Variants in SCFD2 observed in about 807,000 individuals in gnomAD.
SCFD2 encodes sec1 family domain containing 2.
SCFD2 carries 54 observed loss-of-function variants against 58.9 expected under a neutral mutation model. That is an observed-to-expected ratio of 0.92 (90% CI 0.74 to 1.15). The LOEUF is 1.15. SCFD2 is among the 50% of genes most tolerant of loss of function. The pLI is 0.00. For missense variants in SCFD2, 805 were observed against 836.6 expected (o/e 0.96, Z 0.47); for synonymous variants, 321 against 335.9 (o/e 0.96, Z 0.49).
At chr4:53,170,637 T>C (rs1034879219) in intron 4 of SCFD2, among the ~76,000 whole-genome samples, 1 of 152,218 alleles carries the variant, frequency 6.6e-6, no homozygotes, top group African/African-American at 2.4e-5. Flanking sequence ...ATGAACATTT[T>C]AACAATATTA....
intron 4 of SCFD2, among the ~76,000 whole-genome samples, chr4:53,221,136 C>G (rs1486385748): frequency 6.6e-6 from 1 of 152,180 alleles, no homozygotes; most frequent in African/African-American, 2.4e-5. Flanking sequence ...TACATTATCA[C>G]TAATGCCCAG....
At chr4:53,187,796 G>A (rs1263494514) in intron 4 of SCFD2, among the ~76,000 whole-genome samples, 2 of 151,908 alleles carry the variant, frequency 1.3e-5, no homozygotes, top group Non-Finnish European at 2.9e-5. Context: ...ATTATCTCCA[G>A]GTAATAAAAT....
chr4:52,949,487 T>A (rs928737743), intron 5 of SCFD2: 1 of 152,052 alleles, frequency 6.6e-6, no homozygotes, highest in Admixed American at 6.6e-5. Flanking sequence ...ATGTCTGAGG[T>A]CCATTATTTT....
intron 4 of SCFD2, among the ~76,000 whole-genome samples, chr4:53,209,144 G>T (rs536410904): frequency 6.2e-4 from 95 of 152,214 alleles, no homozygotes; most frequent in Middle Eastern, 6.8e-3. Flanking sequence ...TGATAGTAAG[G>T]GATATACGGT....
intron 4 of SCFD2, among the ~76,000 whole-genome samples, chr4:53,147,361 AT>A (rs1434729875): frequency 6.6e-6 from 1 of 152,228 alleles, no homozygotes; most frequent in Non-Finnish European, 1.5e-5. Context: ...CAGTCAAGCC[AT>A]TTCCACACCT....
intron 5 of SCFD2, among the ~76,000 whole-genome samples, chr4:53,010,848 A>G (rs1722078068): frequency 6.6e-6 from 1 of 152,180 alleles, no homozygotes; most frequent in Non-Finnish European, 1.5e-5. Flanking sequence ...GATCCCAAAT[A>G]CATAGCAGCA....
At chr4:53,243,470 C>G (rs1207274208) in intron 4 of SCFD2, among the ~76,000 whole-genome samples, 1 of 151,954 alleles carries the variant, frequency 6.6e-6, no homozygotes, top group Non-Finnish European at 1.5e-5. Context: ...ACAAGAATAT[C>G]TGAAAAAAAC....
chr4:53,160,668 T>G (rs935814883), intron 4 of SCFD2, among the ~76,000 whole-genome samples: 1 of 152,092 alleles, frequency 6.6e-6, no homozygotes, highest in Non-Finnish European at 1.5e-5. Flanking sequence ...TGAAGGATTC[T>G]GGAGTGAGGA....
chr4:53,331,267 C>T (rs1391228552), intron 2 of SCFD2, among the ~76,000 whole-genome samples: 1 of 151,302 alleles, frequency 6.6e-6, no homozygotes, highest in African/African-American at 2.4e-5. Context: ...CTACAGAACT[C>T]TCCACCCCAA....
chr4:53,244,829 A>AAAAT (rs1553890834), intron 4 of SCFD2, among the ~76,000 whole-genome samples: 4 of 150,348 alleles, frequency 2.7e-5, no homozygotes, highest in African/African-American at 9.8e-5. Context: ...TGAAAAAAAA[A>AAAAT]AATAATAATA....
intron 4 of SCFD2, among the ~76,000 whole-genome samples, chr4:53,272,999 C>T (rs528161631): frequency 1.8e-3 from 279 of 151,992 alleles, no homozygotes; most frequent in Non-Finnish European, 3.0e-3. Flanking sequence ...AATATAAAAA[C>T]AGTGAATTGA....
At chr4:53,116,008 C>A (rs1357850382) in intron 5 of SCFD2, among the ~76,000 whole-genome samples, 1 of 152,042 alleles carries the variant, frequency 6.6e-6, no homozygotes, top group Non-Finnish European at 1.5e-5. Flanking sequence ...GGCTGATTTC[C>A]CCTCTGACTC....
chr4:53,306,097 G>A (rs150548418), intron 3 of SCFD2, among the ~76,000 whole-genome samples: 1 of 152,302 alleles, frequency 6.6e-6, no homozygotes, highest in Non-Finnish European at 1.5e-5. Context: ...TACAATAATA[G>A]TACAAACAAA....
intron 5 of SCFD2, among the ~76,000 whole-genome samples, chr4:53,074,210 T>C (rs1472713173): frequency 6.6e-6 from 1 of 152,182 alleles, no homozygotes; most frequent in Non-Finnish European, 1.5e-5. Context: ...AAGAAACAAC[T>C]TTCTTAGCTT....
At chr4:53,038,624 T>G (rs1165283310) in intron 5 of SCFD2, among the ~76,000 whole-genome samples, 1 of 151,706 alleles carries the variant, frequency 6.6e-6, no homozygotes, top group African/African-American at 2.4e-5. Context: ...TATAAAACGA[T>G]AGGGAGAAAG....
intron 4 of SCFD2, among the ~76,000 whole-genome samples, chr4:53,245,500 GAA>G (rs1166007299): frequency 1.3e-5 from 2 of 151,940 alleles, no homozygotes; most frequent in Non-Finnish European, 2.9e-5. Context: ...GAACCAAAGG[GAA>G]AAAACCACAT....
At chr4:53,045,081 T>C (rs1264889451) in intron 5 of SCFD2, among the ~76,000 whole-genome samples, 1 of 152,136 alleles carries the variant, frequency 6.6e-6, no homozygotes, top group Non-Finnish European at 1.5e-5. Flanking sequence ...AGAATAGCAA[T>C]ATTGCCCTGA....
intron 5 of SCFD2, among the ~76,000 whole-genome samples, chr4:53,027,646 G>T (rs887217909): frequency 3.3e-5 from 5 of 152,058 alleles, no homozygotes; most frequent in Non-Finnish European, 5.9e-5. Flanking sequence ...TGGCCAACAT[G>T]GCAAAACCCT....
chr4:53,243,067 C>G (rs796433515), intron 4 of SCFD2, among the ~76,000 whole-genome samples: 1 of 152,066 alleles, frequency 6.6e-6, no homozygotes, highest in Admixed American at 6.5e-5. Flanking sequence ...TTAGGATATC[C>G]TCCATGAGAA....
Sources: gnomAD v4.1 joint callset for allele counts (sites outside exome capture counted in the v4.1 genomes callset) on GRCh38, gnomAD v4.1.1 for gene constraint, MANE v1.5 for transcripts, NCBI Gene and HGNC (gene_info 2026-07-23, HGNC 2026-07-21) for gene names.